ARHGEF28: variants seen among roughly 807,000 people sequenced by gnomAD.
The protein encoded by ARHGEF28 is 190 kDa guanine nucleotide exchange factor.
A neutral mutation model predicts 206.6 loss-of-function variants in ARHGEF28; 152 were observed. The observed-to-expected ratio is 0.74, with a 90% CI of 0.64 to 0.84. The LOEUF is 0.84. Among genes scored for constraint, ARHGEF28 ranks in the 40% least tolerant of loss-of-function variants. The probability of loss-of-function intolerance (pLI) is 0.00; values close to 1 mark genes in which losing one functional copy is unlikely to be tolerated. For missense variants in ARHGEF28, 2,028 were observed against 2,073.2 expected (o/e 0.98, Z 0.42); for synonymous variants, 763 against 776.4 (o/e 0.98, Z 0.29).
intron 2 of ARHGEF28, among the ~76,000 whole-genome samples, chr5:73,717,896 T>TGA (rs941571836): frequency 3.9e-5 from 6 of 152,146 alleles, no homozygotes; most frequent in African/African-American, 1.4e-4. Context: ...TGTGTGTGTG[T>TGA]GACAGAGTTT....
At chr5:73,900,434 A>G (rs1762197872) in intron 30 of ARHGEF28, 1 of 152,224 alleles carries the variant, frequency 6.6e-6, no homozygotes, top group African/African-American at 2.4e-5. Context: ...GTAAAGAAAT[A>G]AAATCCTGCC....
intron 5 of ARHGEF28, among the ~76,000 whole-genome samples, chr5:73,775,507 G>T (rs942239485): frequency 6.6e-6 from 1 of 152,164 alleles, no homozygotes. Context: ...AAGACTTAGA[G>T]TAAAACTGTT....
At chr5:73,796,751 AT>A (rs1754845414) in intron 9 of ARHGEF28, among the ~76,000 whole-genome samples, 2 of 152,236 alleles carry the variant, frequency 1.3e-5, no homozygotes, top group Admixed American at 6.5e-5. Flanking sequence ...GGTAAGAGTA[AT>A]GATTTACTTA....
chr5:73,812,661 G>C (rs767882506), intron 9 of ARHGEF28, among the ~76,000 whole-genome samples: 1 of 152,096 alleles, frequency 6.6e-6, no homozygotes, highest in Non-Finnish European at 1.5e-5. Context: ...GCTAATTACT[G>C]GAGAATTGTT....
intron 7 of ARHGEF28, among the ~76,000 whole-genome samples, chr5:73,790,133 A>G (rs1052424919): frequency 6.6e-6 from 1 of 152,128 alleles, no homozygotes; most frequent in African/African-American, 2.4e-5. Flanking sequence ...CTCTATTCAG[A>G]CAAAAAGAGC....
rs568630913 is a variant in ARHGEF28 at position 73,648,045 on chromosome 5, T to TG, written c.-12+21724dup. Reference sequence around the variant, plus strand: ...GCTATTTTTGTTATTCTTAGGCAAATGTTTTGACTCTTATCCATCAAAAGT... The same window carrying TG: ...GCTATTTTTGTTATTCTTAGGCAAATGGTTTTGACTCTTATCCATCAAAAGT... On this transcript the variant is annotated intron_variant, in intron 1 of 35. Coordinates refer to ENST00000513042, the MANE Select transcript of ARHGEF28 (RefSeq NM_001177693.2). Among the ~76,000 whole-genome samples the TG allele has an allele frequency of 5.3e-5, 8 of 152,360 alleles. No individual in the cohort carries two copies. In the South Asian group the frequency reaches 1.5e-3, roughly 28 times the overall value.
intron 9 of ARHGEF28, among the ~76,000 whole-genome samples, chr5:73,822,809 T>C (rs1561431028): frequency 6.6e-6 from 1 of 152,142 alleles, no homozygotes; most frequent in Non-Finnish European, 1.5e-5. Context: ...ATTTTTTTTG[T>C]AGAAACAAGG....
chr5:73,872,609 A>G (rs1760175762), intron 21 of ARHGEF28, among the ~76,000 whole-genome samples: 1 of 152,196 alleles, frequency 6.6e-6, no homozygotes, highest in African/African-American at 2.4e-5. Flanking sequence ...GCTCCTGCTC[A>G]ATGCAAAAAT....
intron 9 of ARHGEF28, among the ~76,000 whole-genome samples, chr5:73,830,370 G>A (rs1024678142): frequency 5.9e-5 from 9 of 151,842 alleles, no homozygotes; most frequent in Admixed American, 6.6e-5. Context: ...TGGCTAACAC[G>A]GTGAAACCCC....
intron 14 of ARHGEF28, among the ~76,000 whole-genome samples, chr5:73,853,179 G>C (rs758739380): frequency 2.6e-5 from 4 of 152,210 alleles, no homozygotes; most frequent in Non-Finnish European, 4.4e-5. Context: ...TTTCCTGGTT[G>C]AGATGCAGAT....
chr5:73,709,256 C>T (rs1463838270), intron 2 of ARHGEF28, among the ~76,000 whole-genome samples: 1 of 152,106 alleles, frequency 6.6e-6, no homozygotes, highest in African/African-American at 2.4e-5. Flanking sequence ...TGGAGTGTGG[C>T]AAATGTACAG....
chr5:73,721,754 T>C (rs1333811048), intron 2 of ARHGEF28, among the ~76,000 whole-genome samples: 1 of 152,190 alleles, frequency 6.6e-6, no homozygotes, highest in East Asian at 1.9e-4. Context: ...TAGCTGTTTT[T>C]GATTGAGAAT....
intron 10 of ARHGEF28, among the ~76,000 whole-genome samples, chr5:73,839,045 G>A (rs1457152874): frequency 6.6e-6 from 1 of 152,166 alleles, no homozygotes; most frequent in Non-Finnish European, 1.5e-5. Flanking sequence ...AGAGTGTAGT[G>A]TCTTTCAGTT....
chr5:73,871,869 G>A (rs550602302), intron 21 of ARHGEF28, among the ~76,000 whole-genome samples: 19 of 152,204 alleles, frequency 1.2e-4, no homozygotes, highest in South Asian at 1.2e-3. Flanking sequence ...GGTCTTTTGC[G>A]GCTGGCTTTT....
chr5:73,892,334 G>A, intron 27 of ARHGEF28, 104 bp downstream of exon 27: 2 of 1,341,514 alleles, frequency 1.5e-6, no homozygotes, highest in South Asian at 2.9e-5. Flanking sequence ...TGCCAGAATG[G>A]TCTGCCCCCT....
At chr5:73,796,050 C>T (rs535051641) in intron 9 of ARHGEF28, among the ~76,000 whole-genome samples, 1 of 152,328 alleles carries the variant, frequency 6.6e-6, no homozygotes, top group Admixed American at 6.5e-5. Flanking sequence ...CCTAAATCTC[C>T]TCCCAGGTAC....
intron 35 of ARHGEF28, among the ~76,000 whole-genome samples, chr5:73,914,752 G>A (rs1196601885): frequency 6.7e-6 from 1 of 149,256 alleles, no homozygotes; most frequent in African/African-American, 2.5e-5. Context: ...GAGATTGAGA[G>A]TCTCACTCTG....
intron 16 of ARHGEF28, chr5:73,862,938 G>C (rs1026741206): frequency 6.7e-6 from 1 of 149,292 alleles, no homozygotes; most frequent in African/African-American, 2.4e-5. Flanking sequence ...AAATAGGAGT[G>C]ATCTGTTGAT....
At chr5:73,690,596 G>A (rs1747761645) in intron 2 of ARHGEF28, among the ~76,000 whole-genome samples, 1 of 151,114 alleles carries the variant, frequency 6.6e-6, no homozygotes, top group Non-Finnish European at 1.5e-5. Flanking sequence ...TACTTGGGAG[G>A]CTGAGGTGGG....
Sources: gnomAD v4.1 joint callset for allele counts (sites outside exome capture counted in the v4.1 genomes callset) on GRCh38, gnomAD v4.1.1 for gene constraint, MANE v1.5 for transcripts, NCBI Gene and HGNC (gene_info 2026-07-23, HGNC 2026-07-21) for gene names.